The following THADA variants were observed in gnomAD, a reference collection of about 807,000 sequenced individuals.
THADA encodes the protein THADA armadillo repeat containing.
In THADA, 213 loss-of-function variants were observed where a neutral mutation model predicts 219.8. That is an observed-to-expected ratio of 0.97 (90% CI 0.87 to 1.09). The LOEUF (loss-of-function observed/expected upper bound fraction) is 1.09, where lower values mean the gene tolerates loss of function less well. Among genes scored for constraint, THADA ranks in the 50% least tolerant of loss-of-function variants. THADA has a pLI of 0.00. For synonymous variants in THADA, 1,018 were observed against 828.9 expected (o/e 1.23, Z -3.92); for missense variants, 2,956 against 2,311.3 (o/e 1.28, Z -5.72).
chr2:43,298,688 C>T (rs948886804), intron 31 of THADA, among the ~76,000 whole-genome samples: 2 of 152,028 alleles, frequency 1.3e-5, no homozygotes, highest in Non-Finnish European at 2.9e-5. Context: ...TAAGTATAGT[C>T]TGCTGGACTT....
At chr2:43,327,505 G>A (rs1679472331) in intron 30 of THADA, among the ~76,000 whole-genome samples, 1 of 151,838 alleles carries the variant, frequency 6.6e-6, no homozygotes, top group Non-Finnish European at 1.5e-5. Flanking sequence ...GAATGGGAGA[G>A]GGAAAATGGT....
At position 43,571,882 on chromosome 2, in the gene THADA, A is replaced by G. The variant is rs745964349; in HGVS notation, c.1909-20T>C. On this transcript the variant is annotated intron_variant, in intron 12 of 37. Coordinates refer to ENST00000405975, the MANE Select transcript of THADA (RefSeq NM_022065.5). Reference sequence around the variant, plus strand: ...CCTTACCTAAAAAACATCAAGCAATAAAATGTTAATTTTCCAAGAAATAAG... The same window carrying G: ...CCTTACCTAAAAAACATCAAGCAATGAAATGTTAATTTTCCAAGAAATAAG... 2 of 1,608,804 alleles carry G rather than the reference A, an allele frequency of 1.2e-6. No individual in the cohort carries two copies. Among genetic ancestry groups the G allele is most frequent in the African/African-American group, 2.7e-5 (2 of 74,722 alleles).
intron 29 of THADA, among the ~76,000 whole-genome samples, chr2:43,358,391 C>T (rs1669114593): frequency 6.8e-6 from 1 of 147,502 alleles, no homozygotes; most frequent in South Asian, 2.3e-4. Flanking sequence ...CTCTGGTCTC[C>T]TCCTTTGACT....
chr2:43,479,808 C>A (rs946273299), intron 26 of THADA, among the ~76,000 whole-genome samples: 1 of 152,184 alleles, frequency 6.6e-6, no homozygotes, highest in East Asian at 1.9e-4. Flanking sequence ...CAGCGAGGGG[C>A]TCATTGAGGT....
intron 25 of THADA, among the ~76,000 whole-genome samples, chr2:43,488,955 T>C (rs1687256478): frequency 6.6e-6 from 1 of 152,234 alleles, no homozygotes; most frequent in Admixed American, 6.5e-5. Flanking sequence ...ACTGGCCATC[T>C]GCCTATCTTT....
At chr2:43,309,884 C>A (rs960305951) in intron 31 of THADA, among the ~76,000 whole-genome samples, 1 of 152,064 alleles carries the variant, frequency 6.6e-6, no homozygotes, top group Admixed American at 6.6e-5. Context: ...GATAAAAGAT[C>A]AATATACAAA....
At chr2:43,297,758 G>A (rs1321477143) in intron 31 of THADA, among the ~76,000 whole-genome samples, 27 of 110,046 alleles carry the variant, frequency 2.5e-4, no homozygotes, top group Admixed American at 4.1e-4. Context: ...CAGCCGCCCC[G>A]TCCGGGAGGG....
intron 29 of THADA, among the ~76,000 whole-genome samples, chr2:43,376,694 A>T (rs1671418480): frequency 6.6e-6 from 1 of 152,176 alleles, no homozygotes; most frequent in Non-Finnish European, 1.5e-5. Flanking sequence ...GGCTCTGGCA[A>T]CCTAGATACA....
At chr2:43,266,915 C>T (rs143402482) in intron 36 of THADA, among the ~76,000 whole-genome samples, 1 of 152,344 alleles carries the variant, frequency 6.6e-6, no homozygotes, top group Admixed American at 6.5e-5. Context: ...CCCATTCCTG[C>T]TCCCTTCTAA....
chr2:43,330,214 G>A (rs1679801424), intron 30 of THADA, among the ~76,000 whole-genome samples: 2 of 152,154 alleles, frequency 1.3e-5, no homozygotes, highest in Non-Finnish European at 1.5e-5. Context: ...ACCCAGGAAC[G>A]CAGAGCCTGC....
chr2:43,260,999 T>C (rs1236746740), intron 36 of THADA, among the ~76,000 whole-genome samples: 1 of 148,860 alleles, frequency 6.7e-6, no homozygotes, highest in Non-Finnish European at 1.5e-5. Context: ...TTTTATCTAA[T>C]ATTTTGTAGA....
chr2:43,298,370 G>A (rs537350059), intron 31 of THADA, among the ~76,000 whole-genome samples: 24 of 113,992 alleles, frequency 2.1e-4, no homozygotes, highest in Non-Finnish European at 3.3e-4. Context: ...GGTGCAAGAT[G>A]TGCTTTGTTA....
rs374412383 is a variant in THADA, at chr2:43,291,720, G to A, written c.4986C>T (p.Ser1662=). 1.9e-6 allele frequency: 3 copies of A among 1,557,156 alleles called. No homozygotes were observed. The African/African-American group carries it at 4.1e-5, about 21-fold the overall frequency. ...VALRLASKVI[S]HHMQTCVENR... ...CCTCCACACATGTCTGCATGTGGTG[G>A]GAAATGACTTTGGAAGCAAGTCTCA... Residue 1662 remains serine (S), a synonymous_variant, in exon 34 of 38, where the codon TCC becomes TCT. Coordinates refer to ENST00000405975, the MANE Select transcript of THADA (RefSeq NM_022065.5).
At chr2:43,504,583 G>A (rs944543620) in intron 24 of THADA, among the ~76,000 whole-genome samples, 1 of 152,194 alleles carries the variant, frequency 6.6e-6, no homozygotes, top group Non-Finnish European at 1.5e-5. Context: ...AGTTGGGTAG[G>A]AGTGTCCTAC....
chr2:43,377,456 C>A (rs866812650), intron 29 of THADA, among the ~76,000 whole-genome samples: 4 of 151,864 alleles, frequency 2.6e-5, no homozygotes, highest in South Asian at 2.1e-4. Context: ...TCTCCAAATG[C>A]CAGATATAAA....
At chr2:43,379,306 T>C (rs1374965287) in intron 29 of THADA, among the ~76,000 whole-genome samples, 1 of 151,746 alleles carries the variant, frequency 6.6e-6, no homozygotes, top group Non-Finnish European at 1.5e-5. Context: ...AAGAGCGAGT[T>C]AAAAAAACAC....
chr2:43,261,732 G>A (rs886094328), intron 36 of THADA, among the ~76,000 whole-genome samples: 3 of 151,606 alleles, frequency 2.0e-5, no homozygotes, highest in South Asian at 4.2e-4. Context: ...ACTCCCCCAG[G>A]TTCAAGCGAT....
At chr2:43,592,085 A>C (rs558393540) in intron 2 of THADA, 39 bp from the exon 3 acceptor site, 1 of 1,466,254 alleles carries the variant, frequency 6.8e-7, no homozygotes, top group Admixed American at 2.4e-5. Flanking sequence ...CAATGATTTA[A>C]CAGTGAGTTA....
chr2:43,492,353 C>G (rs1202396267), intron 25 of THADA: 1 of 151,354 alleles, frequency 6.6e-6, no homozygotes, highest in African/African-American at 2.4e-5. Flanking sequence ...GTAATTAAAA[C>G]TGGGTTACAC....
Sources: gnomAD v4.1 joint callset for allele counts (sites outside exome capture counted in the v4.1 genomes callset) on GRCh38, gnomAD v4.1.1 for gene constraint, MANE v1.5 for transcripts, NCBI Gene and HGNC (gene_info 2026-07-23, HGNC 2026-07-21) for gene names.